The following PDGFD variants were observed in gnomAD, a reference collection of about 807,000 sequenced individuals.
The protein encoded by PDGFD is platelet-derived growth factor D.
Under a neutral mutation model 44.7 loss-of-function variants are expected in PDGFD, and 30 were observed. That is an observed-to-expected ratio of 0.67 (90% CI 0.50 to 0.91). PDGFD has a LOEUF of 0.91. Ranked by LOEUF, PDGFD falls within the 40% of genes least tolerant of loss-of-function variation. The pLI, the probability that PDGFD is intolerant of heterozygous loss-of-function variation, is 0.00. For missense variants in PDGFD, 445 were observed against 457.8 expected (o/e 0.97, Z 0.25); for synonymous variants, 173 against 168.4 (o/e 1.03, Z -0.21).
At chr11:103,983,235 G>A (rs1859301114) in intron 3 of PDGFD, among the ~76,000 whole-genome samples, 1 of 151,600 alleles carries the variant, frequency 6.6e-6, no homozygotes, top group Admixed American at 6.6e-5. Flanking sequence ...TAGACCAATG[G>A]AATAGAATAG....
intron 1 of PDGFD, among the ~76,000 whole-genome samples, chr11:104,021,792 T>C (rs1859958437): frequency 6.6e-6 from 1 of 152,120 alleles, no homozygotes; most frequent in African/African-American, 2.4e-5. Context: ...CCAATTCACA[T>C]TAGAACAGCA....
intron 1 of PDGFD, among the ~76,000 whole-genome samples, chr11:104,034,637 G>A (rs1469470724): frequency 2.2e-5 from 3 of 138,400 alleles, no homozygotes; most frequent in African/African-American, 7.9e-5. Flanking sequence ...TCTGCACAGT[G>A]CAAAACACTT....
intron 3 of PDGFD, among the ~76,000 whole-genome samples, chr11:103,959,515 G>A (rs1454831889): frequency 6.6e-6 from 1 of 152,088 alleles, no homozygotes; most frequent in Non-Finnish European, 1.5e-5. Context: ...TCTTGACTTT[G>A]TACTTCCTCT....
chr11:103,933,696 TC>T (rs1430818870), intron 5 of PDGFD, among the ~76,000 whole-genome samples: 1 of 152,200 alleles, frequency 6.6e-6, no homozygotes, highest in African/African-American at 2.4e-5. Flanking sequence ...TTTCACAAAA[TC>T]AAATTTCATT....
Position 103,980,243 on chromosome 11 carries a change from G to A in PDGFD, c.510+15822C>T, listed in dbSNP as rs144724932. 9.6e-4 allele frequency among the ~76,000 whole-genome samples: 146 copies of A among 152,100 alleles called. 4 individuals carry two copies. The East Asian group carries it at 0.026, about 28-fold the overall frequency. ...CCAGAAAATCATACGGAGTGCTTCT[G>A]GCCTTGAATAGCTATGCATTTTAGA... On this transcript the variant is annotated intron_variant, in intron 3 of 6. Coordinates refer to ENST00000393158, the MANE Select transcript of PDGFD (RefSeq NM_025208.5).
chr11:104,008,753 C>T (rs1859740080), intron 1 of PDGFD, among the ~76,000 whole-genome samples: 2 of 151,972 alleles, frequency 1.3e-5, no homozygotes, highest in South Asian at 4.1e-4. Flanking sequence ...AATTAAACTC[C>T]TGAGGCAAAG....
intron 1 of PDGFD, chr11:104,037,325 C>T (rs765717385): frequency 6.2e-7 from 1 of 1,613,844 alleles, no homozygotes; most frequent in Non-Finnish European, 8.5e-7. Context: ...CCTCCCTTGG[C>T]GGAAGCCCTG....
At chr11:104,105,398 T>C (rs1439946709) in intron 1 of PDGFD, among the ~76,000 whole-genome samples, 2 of 152,034 alleles carry the variant, frequency 1.3e-5, no homozygotes, top group Non-Finnish European at 2.9e-5. Context: ...GCCTGCTAGA[T>C]AAAGTCACCT....
intron 3 of PDGFD, among the ~76,000 whole-genome samples, chr11:103,958,093 T>TG (rs1164724060): frequency 6.6e-6 from 1 of 152,144 alleles, no homozygotes; most frequent in Non-Finnish European, 1.5e-5. Context: ...CAGTAACGCC[T>TG]GCCACTTATG....
intron 1 of PDGFD, among the ~76,000 whole-genome samples, chr11:104,119,190 GATATA>G (rs1252891430): frequency 0.19 from 928 of 4,858 alleles, 229 homozygotes; most frequent in African/African-American, 0.41. Flanking sequence ...ATAATATATT[GATATA>G]ATATATAATA....
At position 104,047,259 on chromosome 11, in the gene PDGFD, A is replaced by G. The variant is rs1488204945; in HGVS notation, c.125-47004T>C. ...ATAATTCTTTGGGTATATACCCAGT[A>G]ATGGGATTACTAGGTCAAATGGTAT... On this transcript the variant is annotated intron_variant, in intron 1 of 6. Transcript: ENST00000393158. Among the ~76,000 whole-genome samples, 6 of 147,512 alleles carry G rather than the reference A, an allele frequency of 4.1e-5. 1 individual carries two copies. Among genetic ancestry groups the G allele is most frequent in the African/African-American group, 4.9e-5 (2 of 40,528 alleles).
At chr11:104,135,902 T>A (rs1002910630) in intron 1 of PDGFD, among the ~76,000 whole-genome samples, 128 of 150,400 alleles carry the variant, frequency 8.5e-4, no homozygotes, top group Admixed American at 1.1e-3. Flanking sequence ...AATGATAAAA[T>A]ATATTACACA....
At chr11:104,020,470 C>A (rs10502024) in intron 1 of PDGFD, among the ~76,000 whole-genome samples, 14,826 of 151,970 alleles carry the variant, frequency 0.098, 823 homozygotes, top group African/African-American at 0.16. Context: ...ATATGTATGA[C>A]AAACCATATA....
At chr11:104,086,263 G>A (rs1438307138) in intron 1 of PDGFD, among the ~76,000 whole-genome samples, 1 of 151,954 alleles carries the variant, frequency 6.6e-6, no homozygotes, top group Non-Finnish European at 1.5e-5. Flanking sequence ...GGGAAAACTG[G>A]GCTAATTTAC....
At chr11:104,120,016 A>G (rs1022468451) in intron 1 of PDGFD, among the ~76,000 whole-genome samples, 4 of 145,108 alleles carry the variant, frequency 2.8e-5, no homozygotes, top group African/African-American at 1.0e-4. Flanking sequence ...AATATTATCT[A>G]TTATATATAA....
At chr11:104,050,670 T>A (rs963810744) in intron 1 of PDGFD, among the ~76,000 whole-genome samples, 2 of 152,190 alleles carry the variant, frequency 1.3e-5, no homozygotes, top group African/African-American at 2.4e-5. Flanking sequence ...CACTTTGGGA[T>A]GTCCTGGCAA....
At chr11:104,032,059 G>A (rs1860134102) in intron 1 of PDGFD, among the ~76,000 whole-genome samples, 1 of 152,026 alleles carries the variant, frequency 6.6e-6, no homozygotes, top group Admixed American at 6.6e-5. Flanking sequence ...TAATACCTAG[G>A]TGATGTGTTG....
intron 1 of PDGFD, among the ~76,000 whole-genome samples, chr11:104,028,107 G>A (rs1001378312): frequency 2.4e-4 from 37 of 151,098 alleles, no homozygotes; most frequent in Middle Eastern, 3.4e-3. Flanking sequence ...GGAGAATGGC[G>A]TGAACCTGGG....
intron 1 of PDGFD, among the ~76,000 whole-genome samples, chr11:104,156,786 G>T (rs1394656185): frequency 1.3e-5 from 2 of 152,156 alleles, no homozygotes; most frequent in African/African-American, 4.8e-5. Context: ...TAGAAAAAAG[G>T]CTCATCAGAA....
Sources: allele counts gnomAD v4.1 joint callset (sites outside exome capture counted in the v4.1 genomes callset), GRCh38; gene constraint gnomAD v4.1.1; transcripts MANE v1.5; gene names NCBI Gene and HGNC (gene_info 2026-07-23, HGNC 2026-07-21).